EIF2AK1: variants seen among roughly 807,000 people sequenced by gnomAD.
The protein encoded by EIF2AK1 is eukaryotic translation initiation factor 2 alpha kinase 1, also known as eukaryotic translation initiation factor 2-alpha kinase 1.
EIF2AK1 carries 54 observed loss-of-function variants against 77.9 expected under a neutral mutation model. The ratio of observed to expected loss-of-function variants is 0.69; its 90% confidence interval spans 0.56 to 0.87. The LOEUF is 0.87. Ranked by LOEUF, EIF2AK1 falls within the 40% of genes least tolerant of loss-of-function variation. EIF2AK1 has a pLI of 0.00. For synonymous variants in EIF2AK1, 314 were observed against 290.5 expected (o/e 1.08, Z -0.82); for missense variants, 810 against 768.6 (o/e 1.05, Z -0.64).
In EIF2AK1 at chr7:6,032,030, C is replaced by T. The variant is rs141677657; in HGVS notation, c.1333-2998G>A. On this transcript the variant is annotated intron_variant, in intron 11 of 14. Transcript: ENST00000199389. The surrounding 1 kb of genome is among the most constrained non-coding windows in gnomAD (Gnocchi z 4.3). ...CTCTACTAAAAATACAAAAATTAGC[C>T]GGGCTTGGTGGCAGGAGCCTGTAAT... Among the ~76,000 whole-genome samples, 1,350 of 152,058 alleles carry T rather than the reference C, an allele frequency of 8.9e-3. 18 individuals carry two copies. The highest frequency in any genetic ancestry group is 0.031 in the African/African-American group (1,272 of 41,486).
chr7:6,023,330 T>C lies in EIF2AK1; in HGVS notation c.*1343A>G. Reference sequence around the variant, plus strand: ...CCGAAGACGCAGATGAAATTCAGCATCCAGACGATGTGCCCCATCGAAGGC... The same window carrying C: ...CCGAAGACGCAGATGAAATTCAGCACCCAGACGATGTGCCCCATCGAAGGC... On this transcript the variant is annotated 3_prime_UTR_variant, in exon 15 of 15. Transcript: ENST00000199389. 6.2e-7 allele frequency: 1 copy of C among 1,605,438 alleles called. No homozygotes were observed. The highest frequency in any genetic ancestry group is 2.2e-5 in the East Asian group (1 of 44,752).
chr7:6,033,669 A>T lies in EIF2AK1; in HGVS notation c.1332+3755T>A, dbSNP rs952614339. ...GCAGTGGCACCATTCTCCTGGGTTC[A>T]CGCCATTCTCCTGCCTCAGCCTCCC... On this transcript the variant is annotated intron_variant, in intron 11 of 14. Coordinates refer to ENST00000199389, the MANE Select transcript of EIF2AK1 (RefSeq NM_014413.4). This position sits in a 1 kb window ranked among gnomAD's most constrained non-coding sequence, Gnocchi z 4.4. Among the ~76,000 whole-genome samples, 1 of 151,034 alleles carries T rather than the reference A, an allele frequency of 6.6e-6. No individual in the cohort carries two copies. Among genetic ancestry groups the T allele is most frequent in the Non-Finnish European group, 1.5e-5 (1 of 67,294 alleles).
rs536543207 is a variant in EIF2AK1, at chr7:6,024,556, A to G, written c.*117T>C. ...GAACGGCAGCTTGGGGCACTCTGAC[A>G]TCTTTAACAAGTCTTGTAAAGGCTT... On this transcript the variant is annotated 3_prime_UTR_variant, in exon 15 of 15. Transcript: ENST00000199389. The G allele has an allele frequency of 6.6e-7, 1 of 1,525,240 alleles. No individual in the cohort carries two copies. The allele number at this position is 1,525,240 out of a possible 1,614,324, so 94.5% of individuals were successfully genotyped here.
chr7:6,039,378 T>C (rs1249364630), intron 9 of EIF2AK1, among the ~76,000 whole-genome samples: 1 of 151,842 alleles, frequency 6.6e-6, no homozygotes, highest in Admixed American at 6.6e-5. Flanking sequence ...TCCCAGCATC[T>C]TGGAAGGCCA....
In EIF2AK1 at chr7:6,049,727, A is replaced by G. The variant is rs547471917; in HGVS notation, c.411+185T>C. ...CTGCAGCCTTGAACTCCTGGCCTCA[A>G]ATGATCCATCTCAGCCTCCCAAAGT... On this transcript the variant is annotated intron_variant, in intron 3 of 14. Transcript: ENST00000199389. 50 of 523,134 alleles carry G rather than the reference A, an allele frequency of 9.6e-5. 1 individual carries two copies. The Admixed American group carries it at 1.3e-3, about 13-fold the overall frequency. 32.4% of individuals were successfully genotyped at this position (523,134 alleles called of 1,614,324 possible).
chr7:6,055,735 C>T (rs1357633953), intron 1 of EIF2AK1, among the ~76,000 whole-genome samples: 1 of 150,238 alleles, frequency 6.7e-6, no homozygotes, highest in Non-Finnish European at 1.5e-5. Flanking sequence ...AATCCCAGCA[C>T]TTTGAGAGGC....
At position 6,027,282 on chromosome 7, in the gene EIF2AK1, G is replaced by T. The variant is rs1054794447; in HGVS notation, c.1531-321C>A. On this transcript the variant is annotated intron_variant, in intron 13 of 14. Transcript: ENST00000199389. The surrounding 1 kb of genome is among the most constrained non-coding windows in gnomAD (Gnocchi z 4.5). ...GACCCAGGCAATGATGTGAGCTCAC[G>T]CCTGCTAGTGTCAGCTGCGGGGGAG... Among the ~76,000 whole-genome samples, 1 of 152,208 alleles carries T rather than the reference G, an allele frequency of 6.6e-6. No homozygotes were observed. The highest frequency in any genetic ancestry group is 6.5e-5 in the Admixed American group (1 of 15,268).
At chr7:6,044,282 G>T (rs567882216) in intron 7 of EIF2AK1, among the ~76,000 whole-genome samples, 3 of 151,666 alleles carry the variant, frequency 2.0e-5, no homozygotes, top group South Asian at 4.2e-4. Context: ...GGCTAACACG[G>T]TGAAACCCTG....
intron 1 of EIF2AK1, among the ~76,000 whole-genome samples, chr7:6,056,628 A>ATATATATATATATATATG (rs749747260): frequency 0.045 from 3,390 of 74,562 alleles, 200 homozygotes; most frequent in East Asian, 0.058. Flanking sequence ...ATATATATAT[A>ATATATATATATATATATG]TATATATAAA....
intron 4 of EIF2AK1, among the ~76,000 whole-genome samples, chr7:6,048,523 A>T (rs1430377810): frequency 6.6e-6 from 1 of 152,202 alleles, no homozygotes; most frequent in Non-Finnish European, 1.5e-5. Flanking sequence ...ACTAGTATTT[A>T]AACTAGCGAG....
At position 6,024,869 on chromosome 7, in the gene EIF2AK1, C is replaced by T. The variant is rs574729319; in HGVS notation, c.1765-68G>A. 77 of 1,182,910 alleles carry T rather than the reference C, an allele frequency of 6.5e-5. No homozygotes were observed. In the East Asian group the frequency reaches 6.9e-4, roughly 11 times the overall value. 73.3% of individuals were successfully genotyped at this position (1,182,910 alleles called of 1,614,324 possible). A position where few individuals can be genotyped will look rare whatever the true frequency, so the allele number is the denominator to read the frequency against. On this transcript the variant is annotated intron_variant, in intron 14 of 14. Coordinates refer to ENST00000199389, the MANE Select transcript of EIF2AK1 (RefSeq NM_014413.4). The stretch of plus-strand genomic sequence containing the variant: ...TTTTTTTTTTTTTGAGACAGAGTCT[C>T]GCTCTGTCGCCCAGGCTGGAGTACA...
At chr7:6,037,355 C>T in intron 11 of EIF2AK1, 69 bp downstream of exon 11, 1 of 986,314 alleles carries the variant, frequency 1.0e-6, no homozygotes, top group Non-Finnish European at 1.6e-6. Flanking sequence ...TTAGTTTAAT[C>T]AACCAACATC....
At position 6,023,369 on chromosome 7, in the gene EIF2AK1, C is replaced by T. The variant is rs1787586570; in HGVS notation, c.*1304G>A. On this transcript the variant is annotated 3_prime_UTR_variant, in exon 15 of 15. Transcript: ENST00000199389. ...CCCATCGAAGGCGAAGGGAACATTGCACGTTTCTTGTTCTCTCTGTTTGGC... is the reference window on the plus strand; with the variant it reads ...CCCATCGAAGGCGAAGGGAACATTGTACGTTTCTTGTTCTCTCTGTTTGGC... 4.3e-6 allele frequency: 7 copies of T among 1,614,002 alleles called. No individual in the cohort carries two copies. The highest frequency in any genetic ancestry group is 5.9e-6 in the Non-Finnish European group (7 of 1,179,972).
chr7:6,023,564 T>C lies in EIF2AK1; in HGVS notation c.*1109A>G. 1.2e-6 allele frequency: 2 copies of C among 1,614,208 alleles called. No homozygotes were observed. The highest frequency in any genetic ancestry group is 1.7e-6 in the Non-Finnish European group (2 of 1,180,040). On this transcript the variant is annotated 3_prime_UTR_variant, in exon 15 of 15. Coordinates refer to ENST00000199389, the MANE Select transcript of EIF2AK1 (RefSeq NM_014413.4). ...GGGAATGAACTCACCGTAGCAGACG[T>C]GGTGCTGTGGTCTGTACTCCAGCAG...
At chr7:6,038,901 A>T (rs750175509) in intron 9 of EIF2AK1, among the ~76,000 whole-genome samples, 1 of 151,980 alleles carries the variant, frequency 6.6e-6, no homozygotes, top group Non-Finnish European at 1.5e-5. Flanking sequence ...GATAATTAAA[A>T]CCGGGTGTTG....
chr7:6,034,999 G>C (rs774156409), intron 11 of EIF2AK1, among the ~76,000 whole-genome samples: 2 of 152,092 alleles, frequency 1.3e-5, no homozygotes, highest in Non-Finnish European at 2.9e-5. Flanking sequence ...GGCAATAACA[G>C]ATCACACTCA....
Position 6,028,680 on chromosome 7 carries a change from A to T in EIF2AK1, c.1465T>A (p.Ser489Thr). The change falls in exon 13 of 15, where the codon TCC becomes ACC. Residue 489 changes from serine to threonine, a missense_variant. Around this residue, in one of 3 missense-constraint regions of EIF2AK1, gnomAD observed 549 missense variants for 533.7 expected, o/e 1.03. Coordinates refer to ENST00000199389, the MANE Select transcript of EIF2AK1 (RefSeq NM_014413.4). ...GCGTACAGACAAGTACCCACTCTGGACGTATGTGTTGGTGTTCCTATCATT... is the reference window on the plus strand; with the variant it reads ...GCGTACAGACAAGTACCCACTCTGGTCGTATGTGTTGGTGTTCCTATCATT... ...RNGKRTPTHT[S>T]RVGTCLYASP... is the part of the protein sequence containing the mutation. 6.2e-7 allele frequency: 1 copy of T among 1,614,232 alleles called. No individual in the cohort carries two copies. The highest frequency in any genetic ancestry group is 8.5e-7 in the Non-Finnish European group (1 of 1,180,026).
rs535647019 is a variant in EIF2AK1, at chr7:6,058,925, CAG to C, written c.118+39_118+40del. ...TTTGCCGCCCAGAAACGCAGGTGGA[CAG>C]AGAGAGCAGAGCGGCGACGCCGCGA... is the stretch of plus-strand genomic sequence containing the variant. On this transcript the variant is annotated intron_variant, in intron 1 of 14. Transcript: ENST00000199389. 1.1e-3 allele frequency: 1,594 copies of C among 1,470,194 alleles called. 16 individuals carry two copies. In the African/African-American group the frequency reaches 0.017, roughly 16 times the overall value. The allele number at this position is 1,470,194 out of a possible 1,614,324, so 91.1% of individuals were successfully genotyped here.
At position 6,036,054 on chromosome 7, in the gene EIF2AK1, A is replaced by T; in HGVS notation, c.1332+1370T>A. The T allele has an allele frequency of 6.4e-7, 1 of 1,551,124 alleles. No individual in the cohort carries two copies. On this transcript the variant is annotated intron_variant, in intron 11 of 14. Transcript: ENST00000199389. The surrounding 1 kb of genome is among the most constrained non-coding windows in gnomAD (Gnocchi z 4.6). ...TGAAGCAAATGTTAACATTTTAACA[A>T]GAAACGGGGAATCTCCAATTTATAT...
Sources: gnomAD v4.1 joint callset for allele counts (sites outside exome capture counted in the v4.1 genomes callset) on GRCh38, gnomAD v4.1.1 for gene constraint, gnomAD v4.1.1 regional missense constraint, Gnocchi (gnomAD v3.1) non-coding constraint, MANE v1.5 for transcripts, NCBI Gene and HGNC (gene_info 2026-07-23, HGNC 2026-07-21) for gene names.